The following ZNF568 variants were observed in gnomAD, a reference collection of about 807,000 sequenced individuals.
ZNF568 encodes the protein zinc finger protein 568, also known as p53 inhibitor of SCO2 activation.
Under a neutral mutation model 18.1 loss-of-function variants are expected in ZNF568, and 11 were observed. The observed-to-expected ratio is 0.61, with a 90% CI of 0.38 to 1.00. ZNF568 has a LOEUF of 1.00. Ranked by LOEUF, ZNF568 falls within the 50% of genes least tolerant of loss-of-function variation. ZNF568 has a pLI of 0.01. For missense variants in ZNF568, 639 were observed against 768.2 expected, an observed-to-expected ratio of 0.83 and a Z score of 1.99; for synonymous variants, 213 against 246.6, an observed-to-expected ratio of 0.86 and a Z score of 1.28.
At chr19:36,957,179 A>T (rs1470806115), downstream of ZNF568, among the ~76,000 whole-genome samples, 1 of 147,410 alleles carries the variant, frequency 6.8e-6, no homozygotes, top group Non-Finnish European at 1.5e-5. Context: ...ATATGAAAAT[A>T]GTTTCAATCT....
At chr19:36,953,268 T>A (rs1365020917), downstream of ZNF568, among the ~76,000 whole-genome samples, 1 of 152,210 alleles carries the variant, frequency 6.6e-6, no homozygotes, top group Non-Finnish European at 1.5e-5. Context: ...GCCCTGTAAT[T>A]TTCCATACAA....
intron 3 of ZNF568, among the ~76,000 whole-genome samples, chr19:36,924,810 G>A (rs1465783834): frequency 2.0e-5 from 3 of 150,716 alleles, no homozygotes; most frequent in Non-Finnish European, 4.4e-5. Flanking sequence ...CAGCCTGGAC[G>A]GCAGAGTGAG....
chr19:36,925,071 A>G, intron 3 of ZNF568, 129 bp from the exon 4 acceptor site: 1 of 726,536 alleles, frequency 1.4e-6, no homozygotes, highest in Non-Finnish European at 2.4e-6. Flanking sequence ...GCTAGATGGC[A>G]GTTAACATTT....
At position 36,949,632 on chromosome 19, in the gene ZNF568, A is replaced by G; in HGVS notation, c.479A>G (p.Lys160Arg). 1.9e-6 allele frequency: 3 copies of G among 1,613,796 alleles called. No individual in the cohort carries two copies. In the South Asian group the frequency reaches 3.3e-5, roughly 18 times the overall value. Reference sequence around the variant, plus strand: ...GTCATTGAATGTAAAAAAGTTGCGAAAATATTTCCTCTGAGTTCAGACATT... The same window carrying G: ...GTCATTGAATGTAAAAAAGTTGCGAGAATATTTCCTCTGAGTTCAGACATT... ...EKVIECKKVA[K>R]IFPLSSDIVT... The change falls in exon 7 of 7, where the codon AAA becomes AGA. Residue 160 changes from lysine to arginine, a missense_variant. By Grantham distance (26) the Lys-to-Arg change is conservative. Transcript: ENST00000333987.
downstream of ZNF568, among the ~76,000 whole-genome samples, chr19:36,982,530 C>T (rs1266468641): frequency 6.6e-6 from 1 of 152,092 alleles, no homozygotes; most frequent in African/African-American, 2.4e-5. Flanking sequence ...GAAACCCCAT[C>T]TCTACTAAAA....
Position 36,922,755 on chromosome 19 carries a change from A to G in ZNF568, c.-16A>G. On this transcript the variant is annotated 5_prime_UTR_variant, in exon 3 of 7. Coordinates refer to ENST00000333987, the MANE Select transcript of ZNF568 (RefSeq NM_198539.4). Reference sequence around the variant, plus strand: ...AGCTTGTCTTGACCCTTCTGCCCAGAGCAGGCAGGGTCTGAATGACATCTC... The same window carrying G: ...AGCTTGTCTTGACCCTTCTGCCCAGGGCAGGCAGGGTCTGAATGACATCTC... The G allele has an allele frequency of 1.2e-6, 2 of 1,612,730 alleles. No homozygotes were observed. Among genetic ancestry groups the G allele is most frequent in the Admixed American group, 3.3e-5 (2 of 60,004 alleles).
chr19:36,940,433 C>T (rs1203312319), intron 6 of ZNF568, among the ~76,000 whole-genome samples: 1 of 152,182 alleles, frequency 6.6e-6, no homozygotes, highest in Non-Finnish European at 1.5e-5. Context: ...CTATCTTCTA[C>T]ATGTTTTCAT....
chr19:36,960,170 T>A (rs2074137696), intron 6 of ZNF568, among the ~76,000 whole-genome samples: 1 of 140,404 alleles, frequency 7.1e-6, no homozygotes, highest in African/African-American at 2.7e-5. Flanking sequence ...CAGGCTAGAG[T>A]GCAATGGTGT....
At chr19:36,994,487 C>T (rs1225575708) in intron 4 of ZNF568, among the ~76,000 whole-genome samples, 2 of 152,116 alleles carry the variant, frequency 1.3e-5, no homozygotes, top group African/African-American at 4.8e-5. Flanking sequence ...GCTATTCTAT[C>T]CATTATTGAA....
At position 36,949,830 on chromosome 19, in the gene ZNF568, A is replaced by G. The variant is rs1334893099; in HGVS notation, c.677A>G (p.Gln226Arg). ...GTTGTAACCCCCTTTAAGTGTAATCAGTGTGGACAAGACTTCAGTCATAAA... is the reference window on the plus strand; with the variant it reads ...GTTGTAACCCCCTTTAAGTGTAATCGGTGTGGACAAGACTTCAGTCATAAA... ...SYVVTPFKCN[Q>R]CGQDFSHKFD... The change falls in exon 7 of 7, where the codon CAG (glutamine) becomes CGG (arginine). Residue 226 changes from glutamine (Q) to arginine (R), a missense_variant. Coordinates refer to ENST00000333987, the MANE Select transcript of ZNF568 (RefSeq NM_198539.4). 6.2e-7 allele frequency: 1 copy of G among 1,614,050 alleles called. No individual in the cohort carries two copies. The highest frequency in any genetic ancestry group is 1.1e-5 in the South Asian group (1 of 91,086).
chr19:36,996,667 T>G, exon 5 of ZNF568: 1 of 1,535,406 alleles, frequency 6.5e-7, no homozygotes, highest in Non-Finnish European at 8.7e-7. Context: ...TAATAGTGGA[T>G]CAGACTTGAT....
At chr19:36,994,708 G>T (rs1426604502) in intron 4 of ZNF568, among the ~76,000 whole-genome samples, 1 of 151,990 alleles carries the variant, frequency 6.6e-6, no homozygotes, top group East Asian at 1.9e-4. Context: ...GTCTAGTGTT[G>T]TTGCCCAGGC....
intron 2 of ZNF568, among the ~76,000 whole-genome samples, chr19:36,985,755 T>G (rs1407261379): frequency 6.6e-6 from 1 of 152,194 alleles, no homozygotes; most frequent in African/African-American, 2.4e-5. Flanking sequence ...ACCCCTGACC[T>G]CAAGTGATCC....
At chr19:36,934,670 T>C (rs10421077) in intron 4 of ZNF568, among the ~76,000 whole-genome samples, 2,057 of 152,312 alleles carry the variant, frequency 0.014, 59 homozygotes, top group African/African-American at 0.047. Flanking sequence ...TCTTCTTTTT[T>C]AATAAAGTGT....
chr19:36,926,577 T>A (rs2073558049), intron 4 of ZNF568, among the ~76,000 whole-genome samples: 1 of 152,194 alleles, frequency 6.6e-6, no homozygotes, highest in Non-Finnish European at 1.5e-5. Flanking sequence ...CCCACAGGAA[T>A]GTTGGGAGGG....
At chr19:36,972,995 T>C (rs1398280853) in intron 6 of ZNF568, among the ~76,000 whole-genome samples, 1 of 152,220 alleles carries the variant, frequency 6.6e-6, no homozygotes, top group Non-Finnish European at 1.5e-5. Flanking sequence ...TGCCTGGGCC[T>C]GTGTGTTTGC....
chr19:36,991,336 G>T, intron 3 of ZNF568: 3 of 1,485,138 alleles, frequency 2.0e-6, no homozygotes, highest in Non-Finnish European at 2.7e-6. Context: ...CCCCTGCCCC[G>T]CCAAACACAC....
downstream of ZNF568, among the ~76,000 whole-genome samples, chr19:36,984,354 CT>C: frequency 6.6e-6 from 1 of 152,074 alleles, no homozygotes; most frequent in Non-Finnish European, 1.5e-5. Flanking sequence ...AAGTTATAAG[CT>C]ATTTGTGTTT....
intron 6 of ZNF568, among the ~76,000 whole-genome samples, chr19:36,947,244 G>A (rs1368165872): frequency 2.6e-5 from 4 of 151,668 alleles, no homozygotes; most frequent in South Asian, 2.1e-4. Context: ...TTGAACTCCC[G>A]ACCTCGTGAT....
Sources: allele counts gnomAD v4.1 joint callset (sites outside exome capture counted in the v4.1 genomes callset), GRCh38; gene constraint gnomAD v4.1.1; transcripts MANE v1.5; gene names NCBI Gene and HGNC (gene_info 2026-07-23, HGNC 2026-07-21).